Variants in TTLL9 observed in about 807,000 individuals in gnomAD.
TTLL9 encodes probable tubulin polyglutamylase TTLL9.
In TTLL9, 47 loss-of-function variants were observed where a neutral mutation model predicts 65.6. The ratio of observed to expected loss-of-function variants is 0.72; its 90% CI spans 0.57 to 0.91. TTLL9 has a LOEUF of 0.91. TTLL9 is among the 40% of genes least tolerant of loss of function. The pLI, the probability that TTLL9 is intolerant of heterozygous loss-of-function variation, is 0.00. For synonymous variants in TTLL9, 179 were observed against 204.8 expected, an observed-to-expected ratio of 0.87 and a Z score of 1.07; for missense variants, 537 against 568.8, an observed-to-expected ratio of 0.94 and a Z score of 0.57.
At chr20:31,887,312 C>A in intron 3 of TTLL9, 73 bp downstream of exon 3, 1 of 1,490,312 alleles carries the variant, frequency 6.7e-7, no homozygotes, top group Non-Finnish European at 9.4e-7. Context: ...TTCAATCCCT[C>A]TCTCCCTTTT....
intron 6 of TTLL9, among the ~76,000 whole-genome samples, chr20:31,913,822 C>T (rs2063692102): frequency 6.6e-6 from 1 of 152,222 alleles, no homozygotes; most frequent in Non-Finnish European, 1.5e-5. Flanking sequence ...CCCATGGAAG[C>T]ATTCTCCCCT....
chr20:31,893,287 TTTTC>T (rs1287598020), intron 3 of TTLL9, among the ~76,000 whole-genome samples: 1 of 149,954 alleles, frequency 6.7e-6, no homozygotes, highest in African/African-American at 2.5e-5. Context: ...CAGCTGTTCT[TTTTC>T]TTTTTTTTTT....
At position 31,919,904 on chromosome 20, in the gene TTLL9, G is replaced by A. The variant is rs2063791298; in HGVS notation, c.545G>A (p.Arg182Lys). Residue 182 changes from arginine to lysine, a missense_variant, in exon 7 of 15, where the codon AGG becomes AAG. By Grantham distance (26) the Arg-to-Lys change is conservative (BLOSUM62 2). Coordinates refer to ENST00000535842, the MANE Select transcript of TTLL9 (RefSeq NM_001008409.5). ...SQGKGIFLFR[R>K]LKDIVDWRKD... The stretch of plus-strand genomic sequence containing the variant: ...GGGAAAGGCATCTTCCTCTTCCGTA[G>A]GCTGAAGGACATCGTGGACTGGAGG... The A allele has an allele frequency of 1.3e-6, 2 of 1,592,786 alleles. No homozygotes were observed. Among genetic ancestry groups the A allele is most frequent in the Admixed American group, 1.8e-5 (1 of 57,098 alleles).
intron 6 of TTLL9, among the ~76,000 whole-genome samples, chr20:31,911,831 CGTGTGTGTGTGTGTGTGT>C (rs55996863): frequency 1.8e-4 from 26 of 142,316 alleles, no homozygotes; most frequent in Admixed American, 6.2e-4. Flanking sequence ...TGTGTCTGTG[CGTGTGTGTGTGTGTGTGT>C]GTGTGTGTGT....
chr20:31,906,033 CAAAA>C (rs892374670), intron 4 of TTLL9, among the ~76,000 whole-genome samples: 2 of 47,720 alleles, frequency 4.2e-5, no homozygotes, highest in Non-Finnish European at 4.3e-5. Context: ...AATTTCATCT[CAAAA>C]AAAAAAAAAA....
intron 6 of TTLL9, among the ~76,000 whole-genome samples, chr20:31,911,828 G>A (rs2123513721): frequency 9.6e-6 from 1 of 103,976 alleles, no homozygotes; most frequent in East Asian, 2.9e-4. Flanking sequence ...CGGTGTGTCT[G>A]TGCGTGTGTG....
intron 2 of TTLL9, chr20:31,879,746 C>T: frequency 6.9e-7 from 1 of 1,451,332 alleles, no homozygotes. Context: ...AGCCTGCGCA[C>T]TCCGCCGAGA....
intron 2 of TTLL9, chr20:31,879,591 A>G: frequency 2.3e-6 from 1 of 435,054 alleles, no homozygotes; most frequent in Non-Finnish European, 4.2e-6. Flanking sequence ...GTGCAGTTGG[A>G]GGCGGCGTGG....
At chr20:31,926,818 A>G (rs1600608098) in intron 10 of TTLL9, among the ~76,000 whole-genome samples, 1 of 152,238 alleles carries the variant, frequency 6.6e-6, no homozygotes, top group Non-Finnish European at 1.5e-5. Context: ...GTTAAAAATT[A>G]TATCTGGTCA....
At chr20:31,871,356 G>A (rs1044132739) in intron 2 of TTLL9, among the ~76,000 whole-genome samples, 161 bp downstream of exon 2, 4 of 152,278 alleles carry the variant, frequency 2.6e-5, no homozygotes, top group Admixed American at 6.5e-5. Flanking sequence ...GAAAGTCCCC[G>A]TGACCCCCAG....
At chr20:31,893,148 T>TTTA (rs1206356875) in intron 3 of TTLL9, among the ~76,000 whole-genome samples, 9 of 152,198 alleles carry the variant, frequency 5.9e-5, no homozygotes, top group Admixed American at 2.6e-4. Flanking sequence ...GAAAATTGTC[T>TTTA]TTATTTCACT....
chr20:31,870,995 C>A lies in TTLL9; in HGVS notation c.-6+46C>A. The A allele has an allele frequency of 1.2e-6, 1 of 865,344 alleles. No homozygotes were observed. Among genetic ancestry groups the A allele is most frequent in the Non-Finnish European group, 2.0e-6 (1 of 509,010 alleles). 53.6% of individuals were successfully genotyped at this position (865,344 alleles called of 1,614,324 possible). ...CATCCTCTCCACCCGTGCAGAGACA[C>A]CCTACCAACCAGCCTTCCTCCTTTC... On this transcript the variant is annotated intron_variant, in intron 1 of 14. Coordinates refer to ENST00000535842, the MANE Select transcript of TTLL9 (RefSeq NM_001008409.5). This position sits in a 1 kb window ranked among gnomAD's most constrained non-coding sequence, Gnocchi z 6.6.
chr20:31,902,340 C>T (rs1483689139), intron 4 of TTLL9, among the ~76,000 whole-genome samples: 1 of 152,098 alleles, frequency 6.6e-6, no homozygotes, highest in Non-Finnish European at 1.5e-5. Flanking sequence ...GTAATGTTTT[C>T]AAGGCTCATC....
intron 4 of TTLL9, 50 bp from the exon 5 acceptor site, chr20:31,908,541 C>A: frequency 2.2e-6 from 3 of 1,384,702 alleles, no homozygotes; most frequent in Non-Finnish European, 3.1e-6. Context: ...CCCTGCAGTG[C>A]CAAGGTCCTC....
intron 3 of TTLL9, among the ~76,000 whole-genome samples, chr20:31,897,124 T>A (rs1036620026): frequency 6.6e-6 from 1 of 152,194 alleles, no homozygotes; most frequent in Non-Finnish European, 1.5e-5. Context: ...TTCAAATATT[T>A]GGGGAAATTC....
rs748771273 is a variant in TTLL9, at chr20:31,937,459, C to G, written c.1068C>G (p.Leu356=). ...LTASSQEDYE[L]KTCLLEDTLH... is the part of the protein sequence containing the mutation. ...CCAGCAGCCAGGAAGACTATGAGCT[C>G]AAGACCTGCCTCCTGGAAGACACCC... Residue 356 remains leucine, a synonymous_variant, in exon 13 of 15, where the codon CTC becomes CTG. Transcript: ENST00000535842. 2 of 1,613,906 alleles carry G rather than the reference C, an allele frequency of 1.2e-6. No individual in the cohort carries two copies. The highest frequency in any genetic ancestry group is 1.7e-6 in the Non-Finnish European group (2 of 1,179,878).
intron 5 of TTLL9, among the ~76,000 whole-genome samples, chr20:31,909,151 T>G (rs1322001002): frequency 6.8e-6 from 1 of 146,140 alleles, no homozygotes; most frequent in African/African-American, 2.6e-5. Flanking sequence ...TTTTTTTTTT[T>G]TGAGACAGAG....
intron 2 of TTLL9, chr20:31,879,898 G>A: frequency 6.5e-7 from 1 of 1,550,166 alleles, no homozygotes; most frequent in Middle Eastern, 1.7e-4. Flanking sequence ...GCGACCGAAG[G>A]TAGGAGTCGA....
chr20:31,929,942 A>G (rs1464316705), intron 10 of TTLL9, among the ~76,000 whole-genome samples: 1 of 152,126 alleles, frequency 6.6e-6, no homozygotes, highest in East Asian at 1.9e-4. Context: ...AGCCTGACCA[A>G]TATGGTGAAA....
Sources: gnomAD v4.1 joint callset for allele counts (sites outside exome capture counted in the v4.1 genomes callset) on GRCh38, gnomAD v4.1.1 for gene constraint, Gnocchi (gnomAD v3.1) non-coding constraint, MANE v1.5 for transcripts, NCBI Gene and HGNC (gene_info 2026-07-23, HGNC 2026-07-21) for gene names.